Variants in DLG2 observed in about 807,000 individuals in gnomAD.
DLG2 encodes the protein discs large MAGUK scaffold protein 2.
Under a neutral mutation model 132.5 loss-of-function variants are expected in DLG2, and 45 were observed. The ratio of observed to expected loss-of-function variants is 0.34; its 90% CI spans 0.27 to 0.44. The LOEUF (loss-of-function observed/expected upper bound fraction) is 0.44. DLG2 is among the 20% of genes least tolerant of loss of function. The pLI, the probability that DLG2 is intolerant of heterozygous loss-of-function variation, is 1.00. For synonymous variants in DLG2, 424 were observed against 419.6 expected (o/e 1.01, Z -0.13); for missense variants, 1,045 against 1,196.9 (o/e 0.87, Z 1.87).
chr11:84,603,877 T>A (rs1340948806), intron 6 of DLG2, among the ~76,000 whole-genome samples: 1 of 152,102 alleles, frequency 6.6e-6, no homozygotes, highest in Non-Finnish European at 1.5e-5. Flanking sequence ...TCTAGTAGGA[T>A]CTAAAAACAA....
At chr11:84,557,586 G>C (rs2099414460) in intron 6 of DLG2, among the ~76,000 whole-genome samples, 1 of 151,626 alleles carries the variant, frequency 6.6e-6, no homozygotes, top group Admixed American at 6.6e-5. Context: ...ATTTATTTAT[G>C]TTGATGTGTG....
chr11:85,171,672 A>C (rs2078888372), intron 4 of DLG2, among the ~76,000 whole-genome samples: 1 of 152,154 alleles, frequency 6.6e-6, no homozygotes, highest in South Asian at 2.1e-4. Flanking sequence ...TTGGAATTCC[A>C]GCCAGCCAGT....
chr11:85,139,435 A>C (rs1005862055), intron 5 of DLG2, among the ~76,000 whole-genome samples: 19 of 152,102 alleles, frequency 1.2e-4, no homozygotes, highest in African/African-American at 4.6e-4. Flanking sequence ...GATTTACACT[A>C]ACAATAGTAT....
intron 6 of DLG2, among the ~76,000 whole-genome samples, chr11:84,981,432 T>C (rs1392732806): frequency 6.6e-6 from 1 of 152,090 alleles, no homozygotes; most frequent in Admixed American, 6.6e-5. Flanking sequence ...TCTAAGCAGA[T>C]CTGGCACTGT....
intron 3 of DLG2, among the ~76,000 whole-genome samples, chr11:85,563,683 T>G (rs1224088689): frequency 6.8e-6 from 1 of 147,364 alleles, no homozygotes; most frequent in East Asian, 1.9e-4. Flanking sequence ...ATAATATTCC[T>G]TTATATGGAT....
intron 14 of DLG2, among the ~76,000 whole-genome samples, chr11:83,946,700 A>G (rs1470896766): frequency 6.6e-6 from 1 of 152,222 alleles, no homozygotes; most frequent in Non-Finnish European, 1.5e-5. Context: ...AAGGGAAGAC[A>G]AAAAATTGTG....
intron 7 of DLG2, among the ~76,000 whole-genome samples, chr11:84,502,160 TTC>T (rs1555630647): frequency 0.016 from 677 of 41,246 alleles, 193 homozygotes; most frequent in African/African-American, 0.1. Context: ...CTTCCTTCCT[TTC>T]TCTCTCTCTC....
At chr11:84,694,797 T>A (rs1303842240) in intron 6 of DLG2, among the ~76,000 whole-genome samples, 1 of 151,560 alleles carries the variant, frequency 6.6e-6, no homozygotes, top group Non-Finnish European at 1.5e-5. Flanking sequence ...ATCAGTTAAG[T>A]CCAAATATGG....
chr11:84,406,240 T>A (rs974513433), intron 7 of DLG2, among the ~76,000 whole-genome samples: 1 of 152,072 alleles, frequency 6.6e-6, no homozygotes, highest in South Asian at 2.1e-4. Context: ...GTCTCTCTTC[T>A]CTGTCTGCCC....
chr11:84,336,938 C>T (rs2098487757), intron 7 of DLG2, among the ~76,000 whole-genome samples: 1 of 152,216 alleles, frequency 6.6e-6, no homozygotes, highest in Non-Finnish European at 1.5e-5. Flanking sequence ...CCTCTTCCCT[C>T]ACTCCTATAT....
At chr11:84,939,541 T>A in intron 6 of DLG2, among the ~76,000 whole-genome samples, 1 of 152,080 alleles carries the variant, frequency 6.6e-6, no homozygotes, top group East Asian at 1.9e-4. Flanking sequence ...CATTCCCATT[T>A]CCACCATCAC....
intron 9 of DLG2, among the ~76,000 whole-genome samples, chr11:84,108,039 T>C (rs780979298): frequency 6.6e-6 from 1 of 152,068 alleles, no homozygotes; most frequent in Non-Finnish European, 1.5e-5. Context: ...GAAAAAGATA[T>C]GGTTTACTTT....
Position 84,873,343 on chromosome 11 carries a change from A to G in DLG2, c.357+238318T>C, listed in dbSNP as rs540774138. 1.9e-4 allele frequency among the ~76,000 whole-genome samples: 29 copies of G among 152,294 alleles called. No homozygotes were observed. In the South Asian group the frequency reaches 5.8e-3, roughly 30 times the overall value. ...GAAGCTGGAAAAGACAAGAAAACAG[A>G]TTCTCTCCCAGAACCTCCAAAAGGA... On this transcript the variant is annotated intron_variant, in intron 6 of 27. Transcript: ENST00000376104.
At position 84,785,700 on chromosome 11, in the gene DLG2, T is replaced by C. The variant is rs1409459186; in HGVS notation, c.358-250969A>G. 3.3e-5 allele frequency among the ~76,000 whole-genome samples: 5 copies of C among 152,224 alleles called. No homozygotes were observed. In the East Asian group the frequency reaches 9.7e-4, roughly 29 times the overall value. ...AGTATTTCCAAATCTAGTAATCAGG[T>C]GATTTTTAAATAATATCTTTATGAA... On this transcript the variant is annotated intron_variant, in intron 6 of 27. Coordinates refer to ENST00000376104, the MANE Select transcript of DLG2 (RefSeq NM_001142699.3).
intron 6 of DLG2, among the ~76,000 whole-genome samples, chr11:85,038,066 A>G (rs1312348233): frequency 6.6e-6 from 1 of 152,068 alleles, no homozygotes; most frequent in Non-Finnish European, 1.5e-5. Flanking sequence ...GCATGTAAAT[A>G]TTTTGTGTAG....
intron 5 of DLG2, among the ~76,000 whole-genome samples, chr11:85,122,386 C>A (rs1370001476): frequency 2.6e-5 from 4 of 151,944 alleles, no homozygotes; most frequent in Non-Finnish European, 5.9e-5. Flanking sequence ...GTATTCCAGG[C>A]ATAAGAAAAA....
chr11:85,162,852 G>A (rs1413275765), intron 4 of DLG2, among the ~76,000 whole-genome samples: 2 of 152,124 alleles, frequency 1.3e-5, no homozygotes, highest in Middle Eastern at 3.2e-3. Context: ...CAACTTAATT[G>A]GATTGAAGAA....
intron 20 of DLG2, among the ~76,000 whole-genome samples, chr11:83,533,810 C>A (rs915135017): frequency 2.0e-5 from 3 of 151,978 alleles, no homozygotes; most frequent in African/African-American, 4.8e-5. Flanking sequence ...GAGTTTTTTT[C>A]CTTGGGAATC....
chr11:84,265,508 C>T (rs1024096010), intron 7 of DLG2, among the ~76,000 whole-genome samples: 2 of 152,172 alleles, frequency 1.3e-5, no homozygotes, highest in African/African-American at 4.8e-5. Flanking sequence ...AGTCCTACTA[C>T]ATTATGTCTT....
Sources: gnomAD v4.1 joint callset for allele counts (sites outside exome capture counted in the v4.1 genomes callset) on GRCh38, gnomAD v4.1.1 for gene constraint, MANE v1.5 for transcripts, NCBI Gene and HGNC (gene_info 2026-07-23, HGNC 2026-07-21) for gene names.